Variants in APPL1 observed in about 807,000 individuals in gnomAD.
The protein encoded by APPL1 is DCC-interacting protein 13-alpha.
In APPL1, 42 loss-of-function variants were observed where a neutral mutation model predicts 106.8. The observed-to-expected ratio is 0.39, with a 90% CI of 0.31 to 0.51. The LOEUF (loss-of-function observed/expected upper bound fraction) is 0.51, where lower values mean the gene tolerates loss of function less well. APPL1 is among the 20% of genes least tolerant of loss of function. The pLI is 0.75. For missense variants in APPL1, 769 were observed against 858.2 expected (o/e 0.90, Z 1.30); for synonymous variants, 263 against 281.8 (o/e 0.93, Z 0.67).
rs537093176 is a variant in APPL1 at position 57,270,205 on chromosome 3, G to A, written c.*518G>A. ...CAATAGAACTTTTATAAAATAATTA[G>A]AACAGAGATTTTACAGTTAAGGTTT... On this transcript the variant is annotated 3_prime_UTR_variant, in exon 22 of 22. Transcript: ENST00000288266. 6.5e-6 allele frequency: 1 copy of A among 152,786 alleles called. No individual in the cohort carries two copies. Among genetic ancestry groups the A allele is most frequent in the East Asian group, 1.9e-4 (1 of 5,176 alleles). The allele number at this position is 152,786 out of a possible 1,614,324, so 9.5% of individuals were successfully genotyped here. A position where few individuals can be genotyped will look rare whatever the true frequency, so the allele number is the denominator to read the frequency against.
At chr3:57,243,409 A>G (rs928454904) in intron 7 of APPL1, among the ~76,000 whole-genome samples, 13 of 152,222 alleles carry the variant, frequency 8.5e-5, no homozygotes, top group Admixed American at 3.3e-4. Context: ...AGTACAGAGT[A>G]TTAACAGGTT....
At chr3:57,253,822 T>C in intron 13 of APPL1, 84 bp downstream of exon 13, 1 of 1,148,510 alleles carries the variant, frequency 8.7e-7, no homozygotes. Context: ...TCATAATTTC[T>C]CAGGTTCTGT....
chr3:57,253,796 A>T (rs2060818555), intron 13 of APPL1, 58 bp downstream of exon 13: 3 of 1,314,954 alleles, frequency 2.3e-6, no homozygotes, highest in Non-Finnish European at 3.0e-6. Flanking sequence ...TTTGTGGCTT[A>T]CATGTTTTTA....
intron 9 of APPL1, among the ~76,000 whole-genome samples, 158 bp downstream of exon 9, chr3:57,247,635 T>A (rs2060781717): frequency 6.6e-6 from 1 of 152,224 alleles, no homozygotes; most frequent in Non-Finnish European, 1.5e-5. Context: ...TGTTTTTTTT[T>A]AACCTCTTTT....
At chr3:57,265,184 T>C (rs1227747097) in intron 19 of APPL1, among the ~76,000 whole-genome samples, 1 of 152,204 alleles carries the variant, frequency 6.6e-6, no homozygotes, top group African/African-American at 2.4e-5. Context: ...AGTCTCATTC[T>C]ATTGCCCAGG....
chr3:57,254,727 C>T (rs1429993474), intron 13 of APPL1, among the ~76,000 whole-genome samples: 7 of 152,148 alleles, frequency 4.6e-5, no homozygotes, highest in East Asian at 1.9e-4. Context: ...CGGGTTCAAG[C>T]GATTCTCCTG....
intron 6 of APPL1, 50 bp downstream of exon 6, chr3:57,242,192 A>G: frequency 7.4e-7 from 1 of 1,350,254 alleles, no homozygotes; most frequent in South Asian, 1.3e-5. Context: ...GTATTTGTTT[A>G]TCAGTGCATA....
intron 13 of APPL1, among the ~76,000 whole-genome samples, chr3:57,254,184 C>T (rs2060822219): frequency 6.6e-6 from 1 of 152,044 alleles, no homozygotes; most frequent in Admixed American, 6.6e-5. Context: ...CTTTAATGTG[C>T]CATGAATGTA....
intron 7 of APPL1, 150 bp from the exon 8 acceptor site, chr3:57,245,926 G>T: frequency 2.0e-6 from 1 of 507,230 alleles, no homozygotes; most frequent in Non-Finnish European, 3.3e-6. Flanking sequence ...ATTTCTAAAA[G>T]ATCAGAAAAC....
At chr3:57,252,755 GTC>G (rs757499700) in intron 12 of APPL1, among the ~76,000 whole-genome samples, 1 of 152,132 alleles carries the variant, frequency 6.6e-6, no homozygotes, top group Admixed American at 6.5e-5. Flanking sequence ...AAATTTGGGA[GTC>G]TCTGTTCTTC....
Position 57,227,992 on chromosome 3 carries a change from G to T in APPL1, c.54+55G>T. The T allele has an allele frequency of 2.2e-6, 3 of 1,344,678 alleles. 1 individual carries two copies. Among genetic ancestry groups the T allele is most frequent in the South Asian group, 3.4e-5 (2 of 59,112 alleles). 83.3% of individuals were successfully genotyped at this position (1,344,678 alleles called of 1,614,324 possible). ...GGAGAGCCCAGCTGGCCGACCCCAG[G>T]TCTGGCGCCTCCGCGGCTCCCGCAG... On this transcript the variant is annotated intron_variant, in intron 1 of 21. Transcript: ENST00000288266.
At chr3:57,257,451 C>T in intron 15 of APPL1, 23 bp downstream of exon 15, 2 of 1,593,314 alleles carry the variant, frequency 1.3e-6, no homozygotes, top group Non-Finnish European at 1.7e-6. Flanking sequence ...ATCACAGGTA[C>T]ATTGTGCTGT....
At chr3:57,241,510 A>C (rs143281120) in intron 5 of APPL1, among the ~76,000 whole-genome samples, 1 of 152,230 alleles carries the variant, frequency 6.6e-6, no homozygotes, top group Non-Finnish European at 1.5e-5. Context: ...ATGGTAAAGT[A>C]TTTAAATTAT....
chr3:57,260,870 T>C, intron 19 of APPL1, 96 bp downstream of exon 19: 4 of 1,052,370 alleles, frequency 3.8e-6, no homozygotes, highest in Middle Eastern at 2.9e-4. Context: ...TTAAATTAGT[T>C]AGTAATTACT....
intron 6 of APPL1, among the ~76,000 whole-genome samples, chr3:57,242,563 T>C (rs1378349980): frequency 1.3e-5 from 2 of 152,248 alleles, no homozygotes; most frequent in Non-Finnish European, 2.9e-5. Context: ...GCTGGGACTA[T>C]TGGCATATGC....
chr3:57,229,601 A>G (rs997394737), intron 1 of APPL1, among the ~76,000 whole-genome samples: 1 of 149,224 alleles, frequency 6.7e-6, no homozygotes, highest in African/African-American at 2.5e-5. Context: ...CACAGACACT[A>G]TCGTAGTGCA....
chr3:57,235,729 T>C, intron 2 of APPL1, 65 bp downstream of exon 2: 1 of 1,168,704 alleles, frequency 8.6e-7, no homozygotes, highest in Non-Finnish European at 1.3e-6. Flanking sequence ...TGAGGACAGA[T>C]AGTGTCTGTC....
chr3:57,247,610 T>G (rs1553990), intron 9 of APPL1, 133 bp downstream of exon 9: 1 of 618,926 alleles, frequency 1.6e-6, no homozygotes, highest in Non-Finnish European at 2.7e-6. Flanking sequence ...TCTTATGTGG[T>G]TCATGGTTAC....
intron 13 of APPL1, among the ~76,000 whole-genome samples, chr3:57,255,185 A>G (rs1438019299): frequency 4.6e-5 from 7 of 152,110 alleles, no homozygotes; most frequent in African/African-American, 1.4e-4. Flanking sequence ...TAGGTACTGC[A>G]GTATAGTTGG....
Sources: gnomAD v4.1 joint callset for allele counts (sites outside exome capture counted in the v4.1 genomes callset) on GRCh38, gnomAD v4.1.1 for gene constraint, MANE v1.5 for transcripts, NCBI Gene and HGNC (gene_info 2026-07-23, HGNC 2026-07-21) for gene names.